Variants in PLPPR5 observed in about 807,000 individuals in gnomAD.
PLPPR5 encodes phospholipid phosphatase related 5, also known as phospholipid phosphatase-related protein type 5.
In PLPPR5, 16 loss-of-function variants were observed where a neutral mutation model predicts 33.9. The ratio of observed to expected loss-of-function variants is 0.47; its 90% CI spans 0.32 to 0.72. The LOEUF is 0.72. PLPPR5 is among the 30% of genes least tolerant of loss of function. PLPPR5 has a pLI of 0.03. For missense variants in PLPPR5, 301 were observed against 406.7 expected, an observed-to-expected ratio of 0.74 and a Z score of 2.23; for synonymous variants, 163 against 150.3, an observed-to-expected ratio of 1.08 and a Z score of -0.62.
At position 98,892,943 on chromosome 1, in the gene PLPPR5, A is replaced by T. The variant is rs1648328825; in HGVS notation, c.*129T>A. On this transcript the variant is annotated 3_prime_UTR_variant, in exon 6 of 6. Coordinates refer to ENST00000263177, the MANE Select transcript of PLPPR5 (RefSeq NM_001037317.2). Reference sequence around the variant, plus strand: ...GGGGGAAACAGATAGGTTGACATTGATTTTAAAATTATAAAAATTATTAAA... The same window carrying T: ...GGGGGAAACAGATAGGTTGACATTGTTTTTAAAATTATAAAAATTATTAAA... 1 of 915,344 alleles carries T rather than the reference A, an allele frequency of 1.1e-6. No individual in the cohort carries two copies. The highest frequency in any genetic ancestry group is 1.7e-6 in the Non-Finnish European group (1 of 594,242). 56.7% of individuals were successfully genotyped at this position (915,344 alleles called of 1,614,324 possible).
At chr1:98,937,905 T>C (rs1650231646) in intron 3 of PLPPR5, among the ~76,000 whole-genome samples, 1 of 152,196 alleles carries the variant, frequency 6.6e-6, no homozygotes, top group South Asian at 2.1e-4. Context: ...AAAATATGTA[T>C]GTAAGCTTTA....
chr1:98,908,742 G>A (rs986458549), intron 5 of PLPPR5, among the ~76,000 whole-genome samples: 4 of 152,186 alleles, frequency 2.6e-5, no homozygotes, highest in Non-Finnish European at 5.9e-5. Flanking sequence ...ATGGCTGCAG[G>A]TGCCACAGGA....
chr1:98,958,584 T>C (rs1333992833), intron 1 of PLPPR5, among the ~76,000 whole-genome samples: 1 of 152,184 alleles, frequency 6.6e-6, no homozygotes. Flanking sequence ...AGAGCGGATG[T>C]GTGATGAAAC....
At chr1:98,949,268 C>CTTT (rs35482227) in intron 3 of PLPPR5, among the ~76,000 whole-genome samples, 1 of 146,790 alleles carries the variant, frequency 6.8e-6, no homozygotes, top group African/African-American at 2.5e-5. Flanking sequence ...AGGAATAGAG[C>CTTT]TTTTTTTTTT....
At chr1:98,963,822 T>C (rs1313072431) in intron 1 of PLPPR5, among the ~76,000 whole-genome samples, 1 of 152,132 alleles carries the variant, frequency 6.6e-6, no homozygotes, top group Non-Finnish European at 1.5e-5. Context: ...AAGCCGAGTA[T>C]AGAAAAAAAG....
intron 1 of PLPPR5, among the ~76,000 whole-genome samples, chr1:98,960,994 C>A (rs766315312): frequency 1.1e-4 from 17 of 152,146 alleles, no homozygotes; most frequent in Non-Finnish European, 1.8e-4. Flanking sequence ...TGAGCCTGAC[C>A]AAATCCTTGT....
intron 1 of PLPPR5, among the ~76,000 whole-genome samples, chr1:98,967,572 C>T (rs1218099208): frequency 6.6e-6 from 1 of 151,932 alleles, no homozygotes; most frequent in East Asian, 1.9e-4. Flanking sequence ...GAAAGTTATC[C>T]AATCTTTTTC....
At chr1:98,942,851 A>G (rs1650425842) in intron 3 of PLPPR5, among the ~76,000 whole-genome samples, 1 of 152,210 alleles carries the variant, frequency 6.6e-6, no homozygotes, top group Admixed American at 6.5e-5. Flanking sequence ...GAGGGACACC[A>G]GCATCACCCA....
rs1648304707 is a variant in PLPPR5 at position 98,892,270 on chromosome 1, A to G, written c.*802T>C. ...TACCCATGGGAAATTACTCAATAATAAGGTACCAGTGCTGAATTTACTCAT... is the reference window on the plus strand; with the variant it reads ...TACCCATGGGAAATTACTCAATAATGAGGTACCAGTGCTGAATTTACTCAT... On this transcript the variant is annotated 3_prime_UTR_variant, in exon 6 of 6. Transcript: ENST00000263177. 6.6e-6 allele frequency: 1 copy of G among 152,436 alleles called. No homozygotes were observed. The highest frequency in any genetic ancestry group is 2.4e-5 in the African/African-American group (1 of 41,420). The allele number at this position is 152,436 out of a possible 1,614,324, so 9.4% of individuals were successfully genotyped here.
chr1:98,960,388 G>A (rs1229891027), intron 1 of PLPPR5, among the ~76,000 whole-genome samples: 2 of 151,998 alleles, frequency 1.3e-5, no homozygotes, highest in Non-Finnish European at 2.9e-5. Context: ...ATTTTTAGTA[G>A]AGATGGGGTT....
chr1:98,943,375 G>GA (rs201108388), intron 3 of PLPPR5, among the ~76,000 whole-genome samples: 15 of 151,434 alleles, frequency 9.9e-5, no homozygotes, highest in South Asian at 4.2e-4. Context: ...ATACACTGGA[G>GA]AAAAAAAAAT....
At chr1:98,967,726 T>C (rs1460345697) in intron 1 of PLPPR5, among the ~76,000 whole-genome samples, 1 of 152,118 alleles carries the variant, frequency 6.6e-6, no homozygotes, top group Admixed American at 6.6e-5. Flanking sequence ...ATAACATTCA[T>C]AGAAATGAGG....
intron 5 of PLPPR5, among the ~76,000 whole-genome samples, chr1:98,901,998 A>G (rs1459504941): frequency 6.6e-6 from 1 of 152,056 alleles, no homozygotes; most frequent in Non-Finnish European, 1.5e-5. Context: ...AAAGTGACAA[A>G]TATGGAACAT....
chr1:98,984,430 A>G (rs1652181913), intron 1 of PLPPR5, among the ~76,000 whole-genome samples: 1 of 152,028 alleles, frequency 6.6e-6, no homozygotes, highest in South Asian at 2.1e-4. Context: ...GGAAGCTTCA[A>G]ACGCTTACAA....
intron 3 of PLPPR5, among the ~76,000 whole-genome samples, chr1:98,949,241 A>G (rs1650681228): frequency 6.6e-6 from 1 of 151,854 alleles, no homozygotes; most frequent in African/African-American, 2.4e-5. Flanking sequence ...CGGAGAACCA[A>G]TGGTACTTAC....
At chr1:98,900,852 GC>G (rs1332106809) in intron 5 of PLPPR5, among the ~76,000 whole-genome samples, 1 of 152,102 alleles carries the variant, frequency 6.6e-6, no homozygotes, top group Non-Finnish European at 1.5e-5. Context: ...ATCTGAATGA[GC>G]TACATCAAGA....
chr1:98,964,541 T>C (rs1570738940), intron 1 of PLPPR5, among the ~76,000 whole-genome samples: 1 of 152,168 alleles, frequency 6.6e-6, no homozygotes, highest in Non-Finnish European at 1.5e-5. Context: ...GCTGGCACAG[T>C]AAGTGCAGAG....
intron 5 of PLPPR5, among the ~76,000 whole-genome samples, chr1:98,898,553 T>C (rs1471717771): frequency 6.6e-6 from 1 of 152,124 alleles, no homozygotes; most frequent in Non-Finnish European, 1.5e-5. Flanking sequence ...TTCCTTCTGG[T>C]AGGTTGTGAA....
intron 1 of PLPPR5, among the ~76,000 whole-genome samples, chr1:98,967,241 A>C (rs1347554863): frequency 1.3e-5 from 2 of 152,106 alleles, no homozygotes; most frequent in African/African-American, 4.8e-5. Context: ...AGATATTTTA[A>C]GTGAAATATG....
Sources: allele counts gnomAD v4.1 joint callset (sites outside exome capture counted in the v4.1 genomes callset), GRCh38; gene constraint gnomAD v4.1.1; transcripts MANE v1.5; gene names NCBI Gene and HGNC (gene_info 2026-07-23, HGNC 2026-07-21).